PEX5L: variants seen among roughly 807,000 people sequenced by gnomAD.
The protein encoded by PEX5L is peroxisomal biogenesis factor 5 like, also known as PEX5-related protein.
Under a neutral mutation model 84.0 loss-of-function variants are expected in PEX5L, and 30 were observed. That is an observed-to-expected ratio of 0.36 (90% confidence interval 0.27 to 0.48). The LOEUF (loss-of-function observed/expected upper bound fraction) is 0.48, where lower values mean the gene tolerates loss of function less well. PEX5L is among the 20% of genes least tolerant of loss of function. PEX5L has a pLI of 0.99. For synonymous variants in PEX5L, 270 were observed against 283.1 expected (o/e 0.95, Z 0.46); for missense variants, 533 against 754.6 (o/e 0.71, Z 3.44).
At chr3:179,869,886 AT>A (rs1369835079) in intron 7 of PEX5L, among the ~76,000 whole-genome samples, 1 of 152,214 alleles carries the variant, frequency 6.6e-6, no homozygotes, top group African/African-American at 2.4e-5. Flanking sequence ...ATATATAGAT[AT>A]CTATATAAAT....
intron 5 of PEX5L, 38 bp from the exon 6 acceptor site, chr3:179,875,515 G>A: frequency 6.3e-7 from 1 of 1,591,190 alleles, no homozygotes; most frequent in Non-Finnish European, 8.6e-7. Flanking sequence ...GCAGGTGGCG[G>A]CAGGGCGGGG....
chr3:179,836,489 A>C (rs566432816), intron 8 of PEX5L, among the ~76,000 whole-genome samples: 77 of 152,254 alleles, frequency 5.1e-4, no homozygotes, highest in African/African-American at 1.8e-3. Flanking sequence ...CACCAAAACT[A>C]AGTGATTTAT....
At chr3:179,817,814 A>C (rs979644492) in intron 9 of PEX5L, among the ~76,000 whole-genome samples, 2 of 152,148 alleles carry the variant, frequency 1.3e-5, no homozygotes, top group Non-Finnish European at 2.9e-5. Flanking sequence ...ACAGGGTGTG[A>C]CTGGCTTATG....
chr3:179,971,521 T>C (rs1352636751), intron 2 of PEX5L, 73 bp downstream of exon 2: 14 of 1,494,126 alleles, frequency 9.4e-6, no homozygotes, highest in East Asian at 2.5e-5. Context: ...AGAGAAGGGC[T>C]GAACACTCAA....
intron 1 of PEX5L, among the ~76,000 whole-genome samples, chr3:179,992,475 A>C (rs1242661958): frequency 6.6e-6 from 1 of 152,224 alleles, no homozygotes; most frequent in Non-Finnish European, 1.5e-5. Flanking sequence ...GGTTAGCATA[A>C]TTATGATGCA....
chr3:179,903,641 A>G (rs1762179924), intron 2 of PEX5L, among the ~76,000 whole-genome samples: 1 of 152,228 alleles, frequency 6.6e-6, no homozygotes, highest in Non-Finnish European at 1.5e-5. Context: ...TGTCATGCAC[A>G]GAAGCAGGAT....
intron 12 of PEX5L, 133 bp downstream of exon 12, chr3:179,809,338 C>T (rs1400168492): frequency 2.4e-5 from 16 of 672,340 alleles, no homozygotes; most frequent in Non-Finnish European, 4.0e-5. Flanking sequence ...TGATGCTCCT[C>T]CAGCAGAATA....
intron 1 of PEX5L, among the ~76,000 whole-genome samples, chr3:179,998,732 G>A (rs776742883): frequency 1.3e-5 from 2 of 152,148 alleles, no homozygotes; most frequent in Non-Finnish European, 2.9e-5. Context: ...AAATGAAAGT[G>A]GTATATACAT....
intron 1 of PEX5L, among the ~76,000 whole-genome samples, chr3:180,002,642 G>C (rs1788528579): frequency 6.6e-6 from 1 of 151,944 alleles, no homozygotes; most frequent in African/African-American, 2.4e-5. Context: ...GTAAATATTT[G>C]TCCAAACCTG....
At chr3:179,955,959 A>T (rs13097399) in intron 2 of PEX5L, among the ~76,000 whole-genome samples, 21,182 of 152,166 alleles carry the variant, frequency 0.14, 1,641 homozygotes, top group South Asian at 0.32. Context: ...AATTGCTCTT[A>T]AACACAAGAA....
At chr3:180,014,819 A>T (rs55657978) in intron 1 of PEX5L, among the ~76,000 whole-genome samples, 23,087 of 151,976 alleles carry the variant, frequency 0.15, 2,157 homozygotes, top group African/African-American at 0.27. Flanking sequence ...GAACCCCGAA[A>T]TCTGAATTGG....
chr3:179,928,349 A>G (rs1007085346), intron 2 of PEX5L, among the ~76,000 whole-genome samples: 8 of 152,182 alleles, frequency 5.3e-5, no homozygotes, highest in Non-Finnish European at 7.4e-5. Flanking sequence ...CTGTGATCCA[A>G]CTGGGAACAC....
chr3:179,934,757 G>A (rs1287057879), intron 2 of PEX5L, among the ~76,000 whole-genome samples: 2 of 152,030 alleles, frequency 1.3e-5, no homozygotes, highest in Non-Finnish European at 2.9e-5. Context: ...CACACAAAAG[G>A]GCTCAATACT....
intron 2 of PEX5L, among the ~76,000 whole-genome samples, chr3:179,937,603 T>A (rs779482541): frequency 6.6e-6 from 1 of 152,182 alleles, no homozygotes; most frequent in Admixed American, 6.5e-5. Context: ...ACACAGAACC[T>A]AGGCTTTGGG....
At position 179,796,458 on chromosome 3, in the gene PEX5L, G is replaced by A. The variant is rs547342475; in HGVS notation, c.*5370C>T. On this transcript the variant is annotated 3_prime_UTR_variant, in exon 15 of 15. Transcript: ENST00000467460. ...AGAAGCTGCAGGTAGTGGAAACTTC[G>A]TTCAAGGCAAAATACCACATGAGAG... The A allele has an allele frequency of 1.3e-4, 19 of 151,768 alleles. No homozygotes were observed. The highest frequency in any genetic ancestry group is 4.3e-4 in the African/African-American group (18 of 41,412). 9.4% of individuals were successfully genotyped at this position (151,768 alleles called of 1,614,324 possible).
At chr3:179,809,802 G>T (rs1343118158) in intron 11 of PEX5L, 134 bp from the exon 12 acceptor site, 12 of 641,798 alleles carry the variant, frequency 1.9e-5, no homozygotes, top group Non-Finnish European at 2.9e-5. Context: ...CAAGTTCCTG[G>T]AAAGCACCAT....
intron 2 of PEX5L, among the ~76,000 whole-genome samples, chr3:179,943,879 A>G (rs1004946176): frequency 6.6e-6 from 1 of 152,156 alleles, no homozygotes; most frequent in Non-Finnish European, 1.5e-5. Flanking sequence ...CCCTGGGTAA[A>G]GCAGAAGGAA....
At chr3:179,968,755 G>A (rs907778983) in intron 2 of PEX5L, among the ~76,000 whole-genome samples, 2 of 150,268 alleles carry the variant, frequency 1.3e-5, no homozygotes, top group Non-Finnish European at 3.0e-5. Flanking sequence ...GTATCATATG[G>A]CACCTATTAC....
intron 2 of PEX5L, among the ~76,000 whole-genome samples, chr3:179,914,543 C>T (rs1766333755): frequency 6.6e-6 from 1 of 152,182 alleles, no homozygotes; most frequent in African/African-American, 2.4e-5. Context: ...TTGCCACAGT[C>T]ATGTGGGCAC....
Sources: allele counts gnomAD v4.1 joint callset (sites outside exome capture counted in the v4.1 genomes callset), GRCh38; gene constraint gnomAD v4.1.1; transcripts MANE v1.5; gene names NCBI Gene and HGNC (gene_info 2026-07-23, HGNC 2026-07-21).